Variants in LONP2 observed in about 807,000 individuals in gnomAD.
LONP2 encodes the protein lon protease homolog 2, peroxisomal.
LONP2 carries 60 observed loss-of-function variants against 85.6 expected under a neutral mutation model. The ratio of observed to expected loss-of-function variants is 0.70; its 90% CI spans 0.57 to 0.87. The LOEUF (loss-of-function observed/expected upper bound fraction) is 0.87. Ranked by LOEUF, LONP2 falls within the 40% of genes least tolerant of loss-of-function variation. The pLI, the probability that LONP2 is intolerant of heterozygous loss-of-function variation, is 0.00. For missense variants in LONP2, 860 were observed against 1,063.5 expected (o/e 0.81, Z 2.66); for synonymous variants, 395 against 389.7 (o/e 1.01, Z -0.16).
intron 12 of LONP2, among the ~76,000 whole-genome samples, chr16:48,338,966 C>T (rs954222766): frequency 1.3e-5 from 2 of 152,098 alleles, no homozygotes; most frequent in Non-Finnish European, 2.9e-5. Flanking sequence ...GACATTTGGA[C>T]ATTCAGATCT....
rs776330054 is a variant in LONP2 at position 48,252,341 on chromosome 16, G to A, written c.444G>A (p.Glu148=). Residue 148 remains glutamate (E), a synonymous_variant, in exon 2 of 15, where the codon GAG becomes GAA. Coordinates refer to ENST00000285737, the MANE Select transcript of LONP2 (RefSeq NM_031490.5). ...GGGAGGAGCTAGGAGAACTATCAGA[G>A]CAGTTTTACAAATATGCAGTACAAG... The part of the protein sequence containing the change: ...KMREELGELS[E]QFYKYAVQLV... 6 of 1,608,498 alleles carry A rather than the reference G, an allele frequency of 3.7e-6. No individual in the cohort carries two copies. The South Asian group carries it at 5.5e-5, about 15-fold the overall frequency.
chr16:48,250,082 G>C (rs111950327), intron 1 of LONP2, among the ~76,000 whole-genome samples: 8,979 of 148,392 alleles, frequency 0.061, 311 homozygotes, highest in Middle Eastern at 0.16. Flanking sequence ...ATCCCAGCTA[G>C]TTGGGAGGCT....
intron 12 of LONP2, among the ~76,000 whole-genome samples, chr16:48,337,214 C>A (rs1440392550): frequency 3.3e-5 from 5 of 152,184 alleles, no homozygotes; most frequent in Admixed American, 3.3e-4. Flanking sequence ...TTCTACAGTA[C>A]CCTGTCAGGC....
At chr16:48,318,213 A>C (rs1973186133) in intron 11 of LONP2, among the ~76,000 whole-genome samples, 1 of 152,078 alleles carries the variant, frequency 6.6e-6, no homozygotes, top group Admixed American at 6.5e-5. Flanking sequence ...CTTTCCAGAC[A>C]ACCTCAATTT....
chr16:48,319,025 T>TA (rs1345891838), intron 11 of LONP2, among the ~76,000 whole-genome samples: 1 of 151,986 alleles, frequency 6.6e-6, no homozygotes, highest in Non-Finnish European at 1.5e-5. Context: ...ACATATCCAT[T>TA]CTCGTCTACG....
intron 6 of LONP2, among the ~76,000 whole-genome samples, chr16:48,266,511 T>C (rs1320343034): frequency 6.6e-6 from 1 of 152,082 alleles, no homozygotes; most frequent in Admixed American, 6.6e-5. Flanking sequence ...ATCCCTTCCT[T>C]CTTCCCCGCC....
At chr16:48,310,072 A>C (rs1972997583) in intron 11 of LONP2, among the ~76,000 whole-genome samples, 1 of 152,028 alleles carries the variant, frequency 6.6e-6, no homozygotes, top group Non-Finnish European at 1.5e-5. Context: ...AAAAAAAAAA[A>C]ACTATTGTTG....
chr16:48,310,963 A>G (rs1973017832), intron 11 of LONP2, among the ~76,000 whole-genome samples: 1 of 152,172 alleles, frequency 6.6e-6, no homozygotes, highest in African/African-American at 2.4e-5. Context: ...ATTTTCTTTA[A>G]GCACTTTGAA....
intron 12 of LONP2, chr16:48,334,814 G>A (rs1959591982): frequency 2.2e-5 from 12 of 549,442 alleles, no homozygotes; most frequent in South Asian, 1.7e-4. Flanking sequence ...GACCTCAAGG[G>A]TGATGGTCTG....
chr16:48,329,557 A>G (rs1220091839), intron 11 of LONP2, among the ~76,000 whole-genome samples: 1 of 152,204 alleles, frequency 6.6e-6, no homozygotes, highest in Non-Finnish European at 1.5e-5. Context: ...CTTAATTTAT[A>G]AATTAAACAT....
intron 10 of LONP2, among the ~76,000 whole-genome samples, chr16:48,300,498 T>A (rs1202227220): frequency 6.6e-6 from 1 of 152,188 alleles, no homozygotes; most frequent in African/African-American, 2.4e-5. Flanking sequence ...GTATTACAGA[T>A]CCATTGCATC....
rs780538891 is a variant in LONP2, at chr16:48,277,366, C to G, written c.1270C>G (p.Arg424Gly). The change falls in exon 8 of 15, where the codon CGC (arginine) becomes GGC (glycine). Residue 424 changes from arginine (R) to glycine (G), a missense_variant. By Grantham distance (125) the Arg-to-Gly change is moderately radical. Transcript: ENST00000285737. ...CACCTATGTTGGCAGCATGCCTGGT[C>G]GCATCATCAACGGCTTGAAGACTGT... Reference protein sequence around the residue: ...RRTYVGSMPGRIINGLKTVGV... With the variant: ...RRTYVGSMPGGIINGLKTVGV... The G allele has an allele frequency of 2.5e-6, 4 of 1,613,368 alleles. No individual in the cohort carries two copies. In the South Asian group the frequency reaches 4.4e-5, roughly 18 times the overall value.
intron 11 of LONP2, among the ~76,000 whole-genome samples, chr16:48,308,847 A>G (rs57879591): frequency 0.047 from 7,137 of 152,206 alleles, 233 homozygotes; most frequent in Middle Eastern, 0.15. Context: ...CAAAAGAAAC[A>G]ACAGAGTAAA....
chr16:48,326,004 C>T (rs566434802), intron 11 of LONP2, among the ~76,000 whole-genome samples: 1 of 152,282 alleles, frequency 6.6e-6, no homozygotes, highest in African/African-American at 2.4e-5. Context: ...ATGCTGTGGA[C>T]TTAGGCAGTT....
intron 6 of LONP2, among the ~76,000 whole-genome samples, chr16:48,267,654 CGG>C (rs2150974509): frequency 6.6e-6 from 1 of 152,154 alleles, no homozygotes; most frequent in African/African-American, 2.4e-5. Context: ...CTTGCCCTGT[CGG>C]CCAGGCTGTA....
intron 1 of LONP2, among the ~76,000 whole-genome samples, chr16:48,250,188 T>TA (rs1971599919): frequency 6.7e-6 from 1 of 150,038 alleles, no homozygotes; most frequent in Non-Finnish European, 1.5e-5. Flanking sequence ...AGACTCCCTC[T>TA]AAAAAACAAA....
At chr16:48,258,550 T>A in intron 3 of LONP2, 68 bp from the exon 4 acceptor site, 3 of 1,491,994 alleles carry the variant, frequency 2.0e-6, no homozygotes, top group Non-Finnish European at 2.7e-6. Context: ...AAACCATGGC[T>A]CTGACTGTCT....
intron 8 of LONP2, among the ~76,000 whole-genome samples, chr16:48,294,847 G>A (rs114277003): frequency 6.4e-4 from 98 of 152,286 alleles, no homozygotes; most frequent in African/African-American, 2.3e-3. Flanking sequence ...TTAAATTGTG[G>A]TTGGTGAGTA....
At chr16:48,334,498 G>T (rs999525105) in intron 12 of LONP2, 140 bp downstream of exon 12, 13 of 1,048,144 alleles carry the variant, frequency 1.2e-5, no homozygotes, top group Admixed American at 5.6e-5. Flanking sequence ...TGGGACGCAG[G>T]TTGTTGGTGT....
Sources: gnomAD v4.1 joint callset for allele counts (sites outside exome capture counted in the v4.1 genomes callset) on GRCh38, gnomAD v4.1.1 for gene constraint, MANE v1.5 for transcripts, NCBI Gene and HGNC (gene_info 2026-07-23, HGNC 2026-07-21) for gene names.